The following UNC13C variants were observed in gnomAD, a reference collection of about 807,000 sequenced individuals.
UNC13C encodes protein unc-13 homolog C.
A neutral mutation model predicts 245.4 loss-of-function variants in UNC13C; 174 were observed. The observed-to-expected ratio is 0.71, with a 90% CI of 0.63 to 0.80. The LOEUF (loss-of-function observed/expected upper bound fraction) is 0.80, where lower values mean the gene tolerates loss of function less well. UNC13C is among the 30% of genes least tolerant of loss of function. The pLI, the probability that UNC13C is intolerant of heterozygous loss-of-function variation, is 0.00. For missense variants in UNC13C, 2,829 were observed against 2,602.9 expected (o/e 1.09, Z -1.89); for synonymous variants, 992 against 895.1 (o/e 1.11, Z -1.93).
chr15:53,952,836 C>A, the UNC13C span, among the ~76,000 whole-genome samples: 27 of 152,274 alleles, frequency 1.8e-4, no homozygotes, highest in South Asian at 6.2e-4. Flanking sequence ...AGCATAGGGG[C>A]CTATGGTGTT....
In UNC13C at chr15:54,532,116, T is replaced by G. The variant is rs573303991; in HGVS notation, c.5547-801T>G. Among the ~76,000 whole-genome samples, 6 of 152,286 alleles carry G rather than the reference T, an allele frequency of 3.9e-5. No individual in the cohort carries two copies. The South Asian group carries it at 1.2e-3, about 32-fold the overall frequency. On this transcript the variant is annotated intron_variant, in intron 25 of 32. Transcript: ENST00000260323. ...GGTTTGTTATACACATTATAATACA[T>G]CATCCAGGTATTAAGCCTACTACCC... is the stretch of plus-strand genomic sequence containing the variant.
the UNC13C span, among the ~76,000 whole-genome samples, chr15:53,922,816 T>C: frequency 6.6e-6 from 1 of 152,254 alleles, no homozygotes; most frequent in Non-Finnish European, 1.5e-5. Context: ...AAATAAGACA[T>C]TTAATCTTTC....
chr15:54,389,615 C>T (rs986744052), intron 17 of UNC13C, among the ~76,000 whole-genome samples: 5 of 152,144 alleles, frequency 3.3e-5, no homozygotes, highest in African/African-American at 1.2e-4. Flanking sequence ...GTAGAACAAA[C>T]GTTGGAGAAG....
chr15:54,596,206 T>A (rs1899075368), intron 30 of UNC13C, among the ~76,000 whole-genome samples: 1 of 152,104 alleles, frequency 6.6e-6, no homozygotes, highest in African/African-American at 2.4e-5. Flanking sequence ...AAAGTTGTAT[T>A]TTTTTCATGG....
chr15:54,546,491 C>T (rs1169210945), intron 26 of UNC13C, among the ~76,000 whole-genome samples: 2 of 151,988 alleles, frequency 1.3e-5, no homozygotes, highest in African/African-American at 2.4e-5. Context: ...ATTTATCTTT[C>T]CAAAGCCTGT....
chr15:54,409,126 G>A (rs1360359845), intron 18 of UNC13C, among the ~76,000 whole-genome samples: 1 of 152,046 alleles, frequency 6.6e-6, no homozygotes, highest in Non-Finnish European at 1.5e-5. Context: ...ATTGTTTCCA[G>A]TCTGATAAGT....
At chr15:53,893,093 C>T in the UNC13C span, among the ~76,000 whole-genome samples, 1 of 152,070 alleles carries the variant, frequency 6.6e-6, no homozygotes, top group Non-Finnish European at 1.5e-5. Context: ...GTTAGTTTTC[C>T]TTCTAACAGT....
At chr15:54,547,505 G>A (rs1012542907) in intron 27 of UNC13C, among the ~76,000 whole-genome samples, 6 of 152,052 alleles carry the variant, frequency 3.9e-5, no homozygotes, top group African/African-American at 7.2e-5. Flanking sequence ...TTTTTTCTCC[G>A]TGACTGAGGA....
intron 1 of UNC13C, among the ~76,000 whole-genome samples, chr15:53,993,631 G>A (rs1314892081): frequency 6.6e-6 from 1 of 152,054 alleles, no homozygotes; most frequent in Non-Finnish European, 1.5e-5. Flanking sequence ...GCACTGTGGG[G>A]TACCTCTTCC....
chr15:53,980,185 TA>T (rs901588718), intron 1 of UNC13C, among the ~76,000 whole-genome samples: 5 of 152,180 alleles, frequency 3.3e-5, no homozygotes, highest in Admixed American at 3.3e-4. Context: ...TTGAAAACTA[TA>T]AACCTCATTT....
At chr15:54,147,781 G>GGGGTGTGTGT (rs2032336721) in intron 4 of UNC13C, among the ~76,000 whole-genome samples, 1 of 24,552 alleles carries the variant, frequency 4.1e-5, no homozygotes, top group Admixed American at 5.5e-4. Context: ...AGCATTGCAA[G>GGGGTGTGTGT]GTGTGTGCGT....
intron 2 of UNC13C, among the ~76,000 whole-genome samples, chr15:54,059,806 A>G (rs1480276145): frequency 1.3e-5 from 2 of 152,204 alleles, no homozygotes; most frequent in African/African-American, 4.8e-5. Flanking sequence ...CCTCAGAAAT[A>G]ATGCCTCATA....
chr15:54,145,102 A>G (rs2032198482), intron 4 of UNC13C, among the ~76,000 whole-genome samples: 1 of 151,822 alleles, frequency 6.6e-6, no homozygotes, highest in African/African-American at 2.4e-5. Flanking sequence ...AATAATTTAA[A>G]TATATATACA....
rs964567757 is a variant in UNC13C at position 54,014,748 on chromosome 15, G to A, written c.1845G>A (p.Gly615=). 6.2e-7 allele frequency: 1 copy of A among 1,613,860 alleles called. No individual in the cohort carries two copies. The highest frequency in any genetic ancestry group is 1.7e-5 in the Admixed American group (1 of 60,020). The change falls in exon 2 of 33, where the codon GGG becomes GGA. Residue 615 remains glycine (G), a synonymous_variant. Transcript: ENST00000260323. The part of the protein sequence containing the change: ...HLNGGVQGIQ[G]QTETENTETV... ...ATGGAGGTGTTCAGGGTATCCAAGG[G>A]CAGACTGAAACTGAAAACACAGAAA... is the stretch of plus-strand genomic sequence containing the variant.
chr15:54,367,420 G>A (rs1034166750), intron 17 of UNC13C, among the ~76,000 whole-genome samples: 11 of 152,000 alleles, frequency 7.2e-5, no homozygotes, highest in Admixed American at 7.2e-4. Flanking sequence ...TTCCTATTTG[G>A]GAGTTTATTC....
At chr15:54,254,022 G>T (rs2036218329) in intron 8 of UNC13C, among the ~76,000 whole-genome samples, 1 of 152,196 alleles carries the variant, frequency 6.6e-6, no homozygotes, top group African/African-American at 2.4e-5. Flanking sequence ...GAAGCATTTT[G>T]TGAGATGTGT....
intron 13 of UNC13C, among the ~76,000 whole-genome samples, chr15:54,306,751 A>C (rs1197613682): frequency 6.6e-6 from 1 of 152,008 alleles, no homozygotes; most frequent in East Asian, 1.9e-4. Context: ...ACAATAGCAA[A>C]GGAGAGGAAA....
chr15:54,515,711 G>A (rs527872553), intron 24 of UNC13C, among the ~76,000 whole-genome samples: 20 of 152,272 alleles, frequency 1.3e-4, no homozygotes, highest in African/African-American at 4.8e-4. Context: ...CCCACTAACT[G>A]TTGATGTTAC....
At position 54,012,979 on chromosome 15, in the gene UNC13C, T is replaced by G. The variant is rs1249795147; in HGVS notation, c.76T>G (p.Leu26Val). The G allele has an allele frequency of 1.2e-6, 2 of 1,613,754 alleles. No individual in the cohort carries two copies. Among genetic ancestry groups the G allele is most frequent in the East Asian group, 2.2e-5 (1 of 44,882 alleles). ...KLCKGMFTKK[L>V]GNTNKNKEYR... is the part of the protein sequence containing the mutation. ...TTGCAAAGGAATGTTTACAAAGAAATTGGGAAATACAAACAAAAACAAAGA... is the reference window on the plus strand; with the variant it reads ...TTGCAAAGGAATGTTTACAAAGAAAGTGGGAAATACAAACAAAAACAAAGA... The change falls in exon 2 of 33, where the codon TTG (leucine) becomes GTG (valine). Residue 26 changes from leucine to valine, a missense_variant. By Grantham distance (32) the Leu-to-Val change is conservative. Coordinates refer to ENST00000260323, the MANE Select transcript of UNC13C (RefSeq NM_001080534.3).
Sources: gnomAD v4.1 joint callset for allele counts (sites outside exome capture counted in the v4.1 genomes callset) on GRCh38, gnomAD v4.1.1 for gene constraint, MANE v1.5 for transcripts, NCBI Gene and HGNC (gene_info 2026-07-23, HGNC 2026-07-21) for gene names.